The following MGAM2 variants were observed in gnomAD, a reference collection of about 807,000 sequenced individuals.
MGAM2 encodes probable maltase-glucoamylase 2.
A neutral mutation model predicts 96.1 loss-of-function variants in MGAM2; 98 were observed. That is an observed-to-expected ratio of 1.02 (90% CI 0.87 to 1.21). The LOEUF (loss-of-function observed/expected upper bound fraction) is 1.21, where lower values mean the gene tolerates loss of function less well. Ranked by LOEUF, MGAM2 falls within the 50% of genes most tolerant of loss-of-function variation. MGAM2 has a pLI of 0.00. For missense variants in MGAM2, 2,055 were observed against 1,182.4 expected (o/e 1.74, Z -10.82); for synonymous variants, 749 against 414.8 (o/e 1.81, Z -9.79).
chr7:142,118,098 A>G (rs140381080), intron 2 of MGAM2, among the ~76,000 whole-genome samples: 1 of 152,266 alleles, frequency 6.6e-6, no homozygotes, highest in South Asian at 2.1e-4. Context: ...ACAATGTTGT[A>G]CATCAGATTT....
At chr7:142,162,468 C>G (rs1228518561) in intron 23 of MGAM2, among the ~76,000 whole-genome samples, 1 of 151,904 alleles carries the variant, frequency 6.6e-6, no homozygotes, top group Non-Finnish European at 1.5e-5. Context: ...ATATCTATTT[C>G]CCAAGGGGAC....
Position 142,159,271 on chromosome 7 carries a change from A to T in MGAM2, c.2164-16A>T. ...GAGGGGTATGCTAATGCTACTCATT[A>T]TTGTTGTTTACCTAGGGTGTGGACG... is the stretch of plus-strand genomic sequence containing the variant. On this transcript the variant is annotated splice_polypyrimidine_tract_variant and intron_variant, in intron 19 of 47. Coordinates refer to ENST00000477922, the MANE Select transcript of MGAM2 (RefSeq NM_001293626.2). 2.8e-6 allele frequency: 2 copies of T among 701,802 alleles called. No homozygotes were observed. Among genetic ancestry groups the T allele is most frequent in the South Asian group, 3.0e-5 (2 of 67,570 alleles). 43.5% of individuals were successfully genotyped at this position (701,802 alleles called of 1,614,324 possible). A position where few individuals can be genotyped will look rare whatever the true frequency, so the allele number is the denominator to read the frequency against.
chr7:142,160,282 T>C (rs1283082937), intron 21 of MGAM2, 24 bp downstream of exon 21: 9 of 671,730 alleles, frequency 1.3e-5, no homozygotes, highest in Middle Eastern at 4.7e-4. Context: ...TCTTCTAAGG[T>C]ATGACTATTC....
At chr7:142,165,052 CT>C in intron 24 of MGAM2, 29 bp downstream of exon 24, 1 of 670,752 alleles carries the variant, frequency 1.5e-6, no homozygotes, top group Non-Finnish European at 2.7e-6. Context: ...CTGCAGGGCC[CT>C]TTCCAGAGGC....
chr7:142,182,170 A>G (rs1362214054), intron 32 of MGAM2, among the ~76,000 whole-genome samples: 2 of 152,140 alleles, frequency 1.3e-5, no homozygotes, highest in African/African-American at 2.4e-5. Flanking sequence ...TCTCAGCTAG[A>G]TAATCCTGAT....
At chr7:142,132,680 T>A (rs1285721082) in intron 6 of MGAM2, among the ~76,000 whole-genome samples, 2 of 126,702 alleles carry the variant, frequency 1.6e-5, no homozygotes, top group Non-Finnish European at 3.1e-5. Flanking sequence ...ATATTAATTA[T>A]AATATAATTA....
chr7:142,151,750 A>C (rs1410148380), intron 15 of MGAM2, among the ~76,000 whole-genome samples: 1 of 152,172 alleles, frequency 6.6e-6, no homozygotes, highest in Non-Finnish European at 1.5e-5. Context: ...GTTATGGTTA[A>C]TAGTTAAAAG....
chr7:142,196,331 A>G, intron 38 of MGAM2, 44 bp downstream of exon 38: 1 of 691,482 alleles, frequency 1.4e-6, no homozygotes, highest in South Asian at 1.6e-5. Context: ...CAGGGAGGGC[A>G]CTGGAGTTTG....
chr7:142,198,487 C>T (rs1293436567), intron 43 of MGAM2, 128 bp from the exon 44 acceptor site: 3 of 595,558 alleles, frequency 5.0e-6, no homozygotes, highest in Non-Finnish European at 9.0e-6. Context: ...GAGATTTTCT[C>T]TTTAGGTTTG....
chr7:142,209,379 C>T (rs1797510203), intron 46 of MGAM2, among the ~76,000 whole-genome samples: 1 of 152,066 alleles, frequency 6.6e-6, no homozygotes. Context: ...GAGGGCATTG[C>T]AAAACTGCAT....
chr7:142,128,550 C>T (rs1489375515), intron 3 of MGAM2, among the ~76,000 whole-genome samples: 1 of 152,216 alleles, frequency 6.6e-6, no homozygotes, highest in Non-Finnish European at 1.5e-5. Flanking sequence ...GGCCCAGGGT[C>T]TCCCCTGCTC....
intron 14 of MGAM2, 99 bp downstream of exon 14, chr7:142,145,044 C>T (rs1036474832): frequency 4.7e-6 from 3 of 643,646 alleles, no homozygotes; most frequent in Non-Finnish European, 8.4e-6. Context: ...CTTCCTAGTC[C>T]AAGGGGTCTC....
intron 44 of MGAM2, 64 bp downstream of exon 44, chr7:142,198,803 G>A (rs1224990160): frequency 3.0e-6 from 2 of 657,456 alleles, no homozygotes; most frequent in Non-Finnish European, 5.5e-6. Flanking sequence ...CCTTACAGGA[G>A]GCTGTCCCAC....
rs548681488 is a variant in MGAM2, at chr7:142,212,274, A to T, written c.5187+3652A>T. 2.7e-3 allele frequency among the ~76,000 whole-genome samples: 416 copies of T among 152,360 alleles called. 7 individuals carry two copies. Among genetic ancestry groups the T allele is most frequent in the Middle Eastern group, 3.4e-3 (1 of 294 alleles). ...AAACCAAAATGTAAAGACCATTGAC[A>T]CTATGAAGAAACTGCATCAACTAAT... On this transcript the variant is annotated intron_variant, in intron 46 of 47. Coordinates refer to ENST00000477922, the MANE Select transcript of MGAM2 (RefSeq NM_001293626.2).
chr7:142,158,596 C>T (rs1795803873), intron 19 of MGAM2, among the ~76,000 whole-genome samples: 1 of 152,090 alleles, frequency 6.6e-6, no homozygotes, highest in South Asian at 2.1e-4. Context: ...TTGACAATGG[C>T]TTTAAATACT....
chr7:142,196,823 C>T lies in MGAM2; in HGVS notation c.4632+7C>T, dbSNP rs754489326. 1 of 774,956 alleles carries T rather than the reference C, an allele frequency of 1.3e-6. No individual in the cohort carries two copies. The highest frequency in any genetic ancestry group is 2.4e-6 in the Non-Finnish European group (1 of 416,182). The allele number at this position is 774,956 out of a possible 1,614,324, so 48.0% of individuals were successfully genotyped here. A position where few individuals can be genotyped will look rare whatever the true frequency, so the allele number is the denominator to read the frequency against. ...CAACAACATCGGGACAAGGGTGAGG[C>T]AGTAGTTCGTGCTCCAGGTGTTGTG... On this transcript the variant is annotated splice_region_variant and intron_variant, in intron 40 of 47. Coordinates refer to ENST00000477922, the MANE Select transcript of MGAM2 (RefSeq NM_001293626.2).
chr7:142,153,161 C>A (rs1372439122), intron 15 of MGAM2, among the ~76,000 whole-genome samples: 1 of 152,000 alleles, frequency 6.6e-6, no homozygotes, highest in Non-Finnish European at 1.5e-5. Context: ...ACCACCATGT[C>A]CAGCTAACTT....
intron 32 of MGAM2, among the ~76,000 whole-genome samples, chr7:142,176,860 A>G (rs989445074): frequency 6.6e-6 from 1 of 152,206 alleles, no homozygotes; most frequent in Non-Finnish European, 1.5e-5. Flanking sequence ...TTTATGGAGA[A>G]ACACCAATGC....
At chr7:142,153,142 C>T (rs1455686959) in intron 15 of MGAM2, among the ~76,000 whole-genome samples, 13 of 151,990 alleles carry the variant, frequency 8.6e-5, no homozygotes, top group Admixed American at 8.5e-4. Flanking sequence ...GCTGGAGCTA[C>T]AGGCGCACAC....
Sources: gnomAD v4.1 joint callset for allele counts (sites outside exome capture counted in the v4.1 genomes callset) on GRCh38, gnomAD v4.1.1 for gene constraint, MANE v1.5 for transcripts, NCBI Gene and HGNC (gene_info 2026-07-23, HGNC 2026-07-21) for gene names.